The following MYRIP variants were observed in gnomAD, a reference collection of about 807,000 sequenced individuals.
MYRIP encodes myosin VIIA and Rab interacting protein, also known as rab effector MyRIP.
In MYRIP, 49 loss-of-function variants were observed where a neutral mutation model predicts 98.0. That is an observed-to-expected ratio of 0.50 (90% CI 0.40 to 0.63). MYRIP has a LOEUF of 0.63. Ranked by LOEUF, MYRIP falls within the 30% of genes least tolerant of loss-of-function variation. MYRIP has a pLI of 0.00. For synonymous variants in MYRIP, 404 were observed against 409.5 expected, an observed-to-expected ratio of 0.99 and a Z score of 0.16; for missense variants, 1,004 against 1,058.2, an observed-to-expected ratio of 0.95 and a Z score of 0.71.
At chr3:40,115,182 A>G (rs1246929069) in intron 3 of MYRIP, among the ~76,000 whole-genome samples, 1 of 152,218 alleles carries the variant, frequency 6.6e-6, no homozygotes, top group Non-Finnish European at 1.5e-5. Flanking sequence ...TGATCATCCA[A>G]GGAAGACAAA....
rs142760932 is a variant in MYRIP, at chr3:40,151,175, G to A, written c.460G>A (p.Asp154Asn). 1.6e-4 allele frequency: 256 copies of A among 1,602,210 alleles called. No homozygotes were observed. Among genetic ancestry groups the A allele is most frequent in the Middle Eastern group, 3.9e-4 (2 of 5,166 alleles). The change falls in exon 4 of 17, where the codon GAC becomes AAC. Residue 154 changes from aspartate to asparagine, a missense_variant. This residue lies in a region of MYRIP where 880 missense variants were observed against 907.7 expected (regional missense o/e 0.97). Coordinates refer to ENST00000302541, the MANE Select transcript of MYRIP (RefSeq NM_015460.4). ...KHRLESGACFDILGGSLFESN... is the reference protein window; with the variant it reads ...KHRLESGACFNILGGSLFESN... ...CCGGCTGGAGAGTGGCGCGTGCTTCGACATTCTAGGTACTCTCACTTCCTG... is the reference window on the plus strand; with the variant it reads ...CCGGCTGGAGAGTGGCGCGTGCTTCAACATTCTAGGTACTCTCACTTCCTG...
At chr3:40,117,427 C>A (rs927197338) in intron 3 of MYRIP, among the ~76,000 whole-genome samples, 3 of 152,310 alleles carry the variant, frequency 2.0e-5, no homozygotes, top group Middle Eastern at 3.4e-3. Flanking sequence ...CTTGAGGCAA[C>A]CTTCTGCCCA....
intron 3 of MYRIP, among the ~76,000 whole-genome samples, chr3:40,119,700 T>C (rs1449027026): frequency 6.6e-6 from 1 of 152,032 alleles, no homozygotes; most frequent in Non-Finnish European, 1.5e-5. Flanking sequence ...TTCTCATTCA[T>C]AGGTGGGAAT....
intron 3 of MYRIP, among the ~76,000 whole-genome samples, chr3:40,049,225 T>C (rs568447501): frequency 3.9e-5 from 6 of 152,190 alleles, no homozygotes; most frequent in African/African-American, 1.4e-4. Context: ...TTCACAGATA[T>C]TACATTTTTT....
chr3:39,923,039 C>A lies in MYRIP; in HGVS notation c.110+22113C>A, dbSNP rs554603134. On this transcript the variant is annotated intron_variant, in intron 2 of 16. Coordinates refer to ENST00000302541, the MANE Select transcript of MYRIP (RefSeq NM_015460.4). ...GGAAATAAAGGATATAAAGAAGAACCAAGTAGAAATTTTAGATGTGAAAAA... is the reference window on the plus strand; with the variant it reads ...GGAAATAAAGGATATAAAGAAGAACAAAGTAGAAATTTTAGATGTGAAAAA... 2.0e-5 allele frequency among the ~76,000 whole-genome samples: 3 copies of A among 151,940 alleles called. No homozygotes were observed. In the South Asian group the frequency reaches 6.3e-4, roughly 32 times the overall value.
At chr3:39,919,695 TGTGTGTGTG>T (rs1245053988) in intron 2 of MYRIP, among the ~76,000 whole-genome samples, 15 of 69,352 alleles carry the variant, frequency 2.2e-4, no homozygotes, top group African/African-American at 1.0e-3. Context: ...GTATGTGTGG[TGTGTGTGTG>T]TGTGTGTGTG....
intron 10 of MYRIP, among the ~76,000 whole-genome samples, chr3:40,198,294 TTTTG>T (rs1316085162): frequency 6.6e-5 from 10 of 152,136 alleles, no homozygotes; most frequent in East Asian, 1.9e-4. Flanking sequence ...ACTGTTGTGT[TTTTG>T]TTTGTTTGGT....
intron 3 of MYRIP, among the ~76,000 whole-genome samples, chr3:40,143,435 T>C (rs1361664992): frequency 6.6e-6 from 1 of 152,150 alleles, no homozygotes; most frequent in Non-Finnish European, 1.5e-5. Context: ...CCCGCACCTC[T>C]GCCCCATGAA....
intron 2 of MYRIP, among the ~76,000 whole-genome samples, chr3:39,994,107 G>T (rs2034956): frequency 6.6e-6 from 1 of 152,104 alleles, no homozygotes; most frequent in Admixed American, 6.5e-5. Flanking sequence ...AGCTTCCAGC[G>T]TGAGCGATGC....
intron 2 of MYRIP, among the ~76,000 whole-genome samples, chr3:39,990,126 A>G (rs1435406376): frequency 6.6e-6 from 1 of 152,192 alleles, no homozygotes; most frequent in Admixed American, 6.5e-5. Flanking sequence ...ACCCCAGTGG[A>G]ATGGACTCAT....
chr3:39,947,815 C>T (rs1462114830), intron 2 of MYRIP, among the ~76,000 whole-genome samples: 2 of 152,110 alleles, frequency 1.3e-5, no homozygotes, highest in African/African-American at 2.4e-5. Context: ...TCAGACACTA[C>T]CCTAGACGTA....
At chr3:40,084,136 CAAAAAAAAAAAAA>C (rs753167019) in intron 3 of MYRIP, among the ~76,000 whole-genome samples, 4 of 55,056 alleles carry the variant, frequency 7.3e-5, no homozygotes, top group East Asian at 6.4e-4. Context: ...GACTCCATCT[CAAAAAAAAAAAAA>C]AAAAAAAAAA....
intron 3 of MYRIP, among the ~76,000 whole-genome samples, chr3:40,071,896 C>T (rs529583767): frequency 5.9e-5 from 9 of 152,228 alleles, no homozygotes; most frequent in South Asian, 2.1e-4. Context: ...TGCAGGGTCA[C>T]GAGGGAGCTG....
chr3:39,863,868 G>A lies in MYRIP; in HGVS notation c.-30-36919G>A, dbSNP rs189654275. On this transcript the variant is annotated intron_variant, in intron 1 of 16. Coordinates refer to ENST00000302541, the MANE Select transcript of MYRIP (RefSeq NM_015460.4). ...CAACAACAACAAACTGTAGGCCAAC[G>A]TTCTTGATGATCATAGATGCAAAAA... Among the ~76,000 whole-genome samples, 8 of 152,056 alleles carry A rather than the reference G, an allele frequency of 5.3e-5. No individual in the cohort carries two copies. The East Asian group carries it at 7.7e-4, about 15-fold the overall frequency.
intron 1 of MYRIP, among the ~76,000 whole-genome samples, chr3:39,877,616 T>C (rs1426052854): frequency 6.6e-6 from 1 of 152,152 alleles, no homozygotes; most frequent in African/African-American, 2.4e-5. Context: ...ACTCCAGACC[T>C]TGTTTGCCTG....
At chr3:40,071,823 G>A (rs2125859495) in intron 3 of MYRIP, among the ~76,000 whole-genome samples, 1 of 152,284 alleles carries the variant, frequency 6.6e-6, no homozygotes, top group African/African-American at 2.4e-5. Context: ...GTCATGTATT[G>A]GTTATTTGCT....
At chr3:40,079,682 A>G (rs1948431884) in intron 3 of MYRIP, among the ~76,000 whole-genome samples, 1 of 152,228 alleles carries the variant, frequency 6.6e-6, no homozygotes, top group Non-Finnish European at 1.5e-5. Flanking sequence ...AAAAACCAAC[A>G]CAGGATCTGA....
At chr3:39,862,326 T>A (rs1045707782) in intron 1 of MYRIP, among the ~76,000 whole-genome samples, 1 of 152,084 alleles carries the variant, frequency 6.6e-6, no homozygotes, top group Non-Finnish European at 1.5e-5. Flanking sequence ...TTATAAGAGG[T>A]CCTGAAGGGA....
chr3:40,023,224 T>C (rs546952576), intron 2 of MYRIP, among the ~76,000 whole-genome samples: 2 of 152,314 alleles, frequency 1.3e-5, no homozygotes, highest in South Asian at 4.2e-4. Flanking sequence ...CCATGTGGAA[T>C]GTGGACTTTA....
Sources: gnomAD v4.1 joint callset for allele counts (sites outside exome capture counted in the v4.1 genomes callset) on GRCh38, gnomAD v4.1.1 for gene constraint, gnomAD v4.1.1 regional missense constraint, MANE v1.5 for transcripts, NCBI Gene and HGNC (gene_info 2026-07-23, HGNC 2026-07-21) for gene names.